CASP6: variants seen among roughly 807,000 people sequenced by gnomAD.
CASP6 encodes caspase 6.
CASP6 carries 20 observed loss-of-function variants against 31.8 expected under a neutral mutation model. That is an observed-to-expected ratio of 0.63 (90% CI 0.44 to 0.91). CASP6 has a LOEUF of 0.91. Among genes scored for constraint, CASP6 ranks in the 40% least tolerant of loss-of-function variants. The pLI is 0.00. For synonymous variants in CASP6, 130 were observed against 127.8 expected, an observed-to-expected ratio of 1.02 and a Z score of -0.12; for missense variants, 328 against 361.1, an observed-to-expected ratio of 0.91 and a Z score of 0.74.
chr4:109,700,602 G>C (rs117676612), intron 1 of CASP6, among the ~76,000 whole-genome samples: 1 of 151,730 alleles, frequency 6.6e-6, no homozygotes, highest in African/African-American at 2.4e-5. Context: ...TAAGTTTTTT[G>C]TTGTTGTTGT....
At position 109,703,412 on chromosome 4, in the gene CASP6, G is replaced by C. The variant is rs748448760; in HGVS notation, c.-17C>G. The stretch of plus-strand genomic sequence containing the variant: ...CGAGCTCATTGCAGCCAAACGCGCA[G>C]CCAGACACCTTGCCCTCCTCTTCCT... On this transcript the variant is annotated 5_prime_UTR_variant, in exon 1 of 7. Coordinates refer to ENST00000265164, the MANE Select transcript of CASP6 (RefSeq NM_001226.4). 4.3e-6 allele frequency: 7 copies of C among 1,611,072 alleles called. No homozygotes were observed. Among genetic ancestry groups the C allele is most frequent in the Non-Finnish European group, 5.1e-6 (6 of 1,178,998 alleles).
Position 109,689,559 on chromosome 4 carries a change from G to A in CASP6, c.653C>T (p.Ser218Phe). Residue 218 changes from serine to phenylalanine, a missense_variant, in exon 7 of 7, where the codon TCT becomes TTT. Transcript: ENST00000265164. ...MCYSVAEGYY[S>F]HRETVNGSWY... The stretch of plus-strand genomic sequence containing the variant: ...TGAGCCGTTCACAGTTTCCCGGTGA[G>A]AATAATATCCTAAAAAAGTGAGAAG... The A allele has an allele frequency of 6.2e-7, 1 of 1,613,346 alleles. No individual in the cohort carries two copies.
chr4:109,697,063 G>A (rs1244666473), intron 3 of CASP6, among the ~76,000 whole-genome samples: 1 of 151,944 alleles, frequency 6.6e-6, no homozygotes, highest in Non-Finnish European at 1.5e-5. Context: ...CGGGATTACA[G>A]GAGTGAGCCA....
chr4:109,668,976 A>C, the CASP6 span, among the ~76,000 whole-genome samples: 7 of 152,074 alleles, frequency 4.6e-5, no homozygotes. Flanking sequence ...CATTCATTTC[A>C]GTGATTCATA....
downstream of CASP6, chr4:109,684,712 T>A (rs1175565096): frequency 5.2e-6 from 4 of 771,472 alleles, no homozygotes; most frequent in Admixed American, 2.5e-5. Context: ...ATCTAAGCAA[T>A]GAGCAAAAAA....
chr4:109,674,483 T>G, the CASP6 span, among the ~76,000 whole-genome samples: 2 of 152,266 alleles, frequency 1.3e-5, no homozygotes, highest in African/African-American at 4.8e-5. Context: ...ATATTTTGGA[T>G]GTTGTATAAG....
the CASP6 span, among the ~76,000 whole-genome samples, chr4:109,680,511 A>G: frequency 1.3e-5 from 2 of 151,976 alleles, no homozygotes; most frequent in Non-Finnish European, 2.9e-5. Flanking sequence ...AGCTTTGCCT[A>G]TCTTCCATCT....
downstream of CASP6, among the ~76,000 whole-genome samples, chr4:109,686,455 T>G (rs1307423144): frequency 1.3e-5 from 2 of 152,208 alleles, no homozygotes; most frequent in Admixed American, 1.3e-4. Flanking sequence ...TTTTAAAAAA[T>G]GTATTTTATT....
chr4:109,690,703 T>C (rs1730022272), intron 6 of CASP6, 147 bp downstream of exon 6: 3 of 720,682 alleles, frequency 4.2e-6, no homozygotes, highest in Middle Eastern at 2.4e-4. Flanking sequence ...CTCTGTGCCA[T>C]GTGGTCAAAG....
intron 4 of CASP6, among the ~76,000 whole-genome samples, chr4:109,695,753 A>AC (rs1730219358): frequency 6.6e-6 from 1 of 151,678 alleles, no homozygotes; most frequent in Admixed American, 6.6e-5. Flanking sequence ...AAAAAAAAAA[A>AC]AAAGATTATA....
the CASP6 span, among the ~76,000 whole-genome samples, chr4:109,681,979 C>A: frequency 6.6e-6 from 1 of 152,352 alleles, no homozygotes; most frequent in Admixed American, 6.5e-5. Context: ...GGTTTTATAT[C>A]CCGATCCTTG....
downstream of CASP6, chr4:109,684,512 C>T (rs1477302113): frequency 6.2e-7 from 1 of 1,613,894 alleles, no homozygotes. Flanking sequence ...ATTGGCACTG[C>T]TGTCCATTCA....
At chr4:109,702,577 A>G (rs1730456013) in intron 1 of CASP6, 1 of 149,326 alleles carries the variant, frequency 6.7e-6, no homozygotes, top group Non-Finnish European at 1.5e-5. Context: ...TCGGCCTCCC[A>G]AAGTGTTGGG....
At chr4:109,683,191 G>A in the CASP6 span, 1 of 152,498 alleles carries the variant, frequency 6.6e-6, no homozygotes, top group African/African-American at 2.4e-5. Context: ...AATCAATGGT[G>A]TGGAAAAAAT....
intron 1 of CASP6, among the ~76,000 whole-genome samples, chr4:109,702,440 T>C (rs1472427354): frequency 2.0e-5 from 3 of 151,948 alleles, no homozygotes; most frequent in African/African-American, 7.3e-5. Context: ...AACGATTCTC[T>C]TGTCTCAGCC....
chr4:109,676,253 G>A, the CASP6 span, among the ~76,000 whole-genome samples: 1 of 152,142 alleles, frequency 6.6e-6, no homozygotes, highest in African/African-American at 2.4e-5. Context: ...AAATATCGAT[G>A]GTAGGCTGGG....
the CASP6 span, among the ~76,000 whole-genome samples, chr4:109,666,547 G>A: frequency 7.0e-6 from 1 of 142,086 alleles, no homozygotes; most frequent in African/African-American, 2.5e-5. Context: ...AATGATGTAT[G>A]ATGATGAGCA....
At chr4:109,701,070 G>A (rs939179741) in intron 1 of CASP6, among the ~76,000 whole-genome samples, 16 of 152,172 alleles carry the variant, frequency 1.1e-4, no homozygotes, top group African/African-American at 3.6e-4. Flanking sequence ...CGATTCTCCC[G>A]CCTCAGCCTC....
In CASP6 at chr4:109,698,349, A is replaced by C. The variant is rs545589007; in HGVS notation, c.41-7T>G. 2 of 1,609,594 alleles carry C rather than the reference A, an allele frequency of 1.2e-6. No individual in the cohort carries two copies. Among genetic ancestry groups the C allele is most frequent in the African/African-American group, 2.7e-5 (2 of 74,722 alleles). Reference sequence around the variant, plus strand: ...GTCATGTTTTCTTCCCCACCTATTAAAAAAAGTTGATTTTTGTTAATTATT... The same window carrying C: ...GTCATGTTTTCTTCCCCACCTATTACAAAAAGTTGATTTTTGTTAATTATT... On this transcript the variant is annotated splice_region_variant and splice_polypyrimidine_tract_variant and intron_variant, in intron 1 of 6. Transcript: ENST00000265164.
Sources: gnomAD v4.1 joint callset for allele counts (sites outside exome capture counted in the v4.1 genomes callset) on GRCh38, gnomAD v4.1.1 for gene constraint, MANE v1.5 for transcripts, NCBI Gene and HGNC (gene_info 2026-07-23, HGNC 2026-07-21) for gene names.